The following SLC25A43 variants were observed in gnomAD, a reference collection of about 807,000 sequenced individuals.
SLC25A43 encodes the protein solute carrier family 25, member 43.
In SLC25A43, 10 loss-of-function variants were observed where a neutral mutation model predicts 22.8. The observed-to-expected ratio is 0.44, with a 90% CI of 0.27 to 0.74. SLC25A43 has a LOEUF of 0.74. Among genes scored for constraint, SLC25A43 ranks in the 30% least tolerant of loss-of-function variants. The probability of loss-of-function intolerance (pLI) is 0.17; values close to 1 mark genes in which losing one functional copy is unlikely to be tolerated. For synonymous variants in SLC25A43, 106 were observed against 121.6 expected, an observed-to-expected ratio of 0.87 and a Z score of 0.84; for missense variants, 233 against 279.1, an observed-to-expected ratio of 0.83 and a Z score of 1.18.
chrX:119,446,153 A>C (rs2052666134), intron 3 of SLC25A43, among the ~76,000 whole-genome samples: 1 of 13,908 alleles, frequency 7.2e-5, no homozygotes, highest in African/African-American at 8.7e-4. Flanking sequence ...CTCCATCTCA[A>C]AAAAAAAAAA....
At chrX:119,442,584 CT>C (rs772801578) in intron 3 of SLC25A43, among the ~76,000 whole-genome samples, 13 of 111,895 alleles carry the variant, frequency 1.2e-4, no homozygotes, top group Non-Finnish European at 1.7e-4. Flanking sequence ...GCTTACTATC[CT>C]TTTGGTAACA....
intron 3 of SLC25A43, among the ~76,000 whole-genome samples, chrX:119,431,196 G>A (rs1328675714): frequency 8.9e-6 from 1 of 112,202 alleles, no homozygotes; most frequent in Non-Finnish European, 1.9e-5. Context: ...TGAGGCTTTT[G>A]TGAGGATTAA....
chrX:119,449,276 C>T (rs1351229112), intron 3 of SLC25A43, among the ~76,000 whole-genome samples: 4 of 107,964 alleles, frequency 3.7e-5, no homozygotes, highest in African/African-American at 1.4e-4. Flanking sequence ...TAGGCAGGTG[C>T]GATGGCATGC....
intron 3 of SLC25A43, among the ~76,000 whole-genome samples, chrX:119,430,052 C>T (rs1172842680): frequency 8.9e-6 from 1 of 112,149 alleles, no homozygotes; most frequent in Non-Finnish European, 1.9e-5. Flanking sequence ...CCAGTGTGCT[C>T]ATCCTGGGAG....
At chrX:119,452,221 A>C (rs1235891072) in intron 4 of SLC25A43, 78 bp downstream of exon 4, 6 of 1,089,183 alleles carry the variant, frequency 5.5e-6, no homozygotes, top group Non-Finnish European at 7.3e-6. Context: ...CCCAACCCCT[A>C]CTACAGTTTG....
At position 119,399,436 on chromosome X, in the gene SLC25A43, A is replaced by G. The variant is rs1299477285; in HGVS notation, c.33A>G (p.Thr11=). The change falls in exon 1 of 5, where the codon ACA becomes ACG. Residue 11 remains threonine (T), a synonymous_variant. Transcript: ENST00000217909. ...CGTGGAGGCGGGACGGCCGACTGAC[A>G]GGCGGCCAAAGGCTGCTGTGCGCTG... MATWRRDGRL[T]GGQRLLCAGL... is the part of the protein sequence containing the mutation. The G allele has an allele frequency of 1.2e-5, 12 of 1,023,034 alleles. No individual in the cohort carries two copies. The highest frequency in any genetic ancestry group is 1.5e-5 in the Non-Finnish European group (12 of 805,637). The allele number at this position is 1,023,034 out of a possible 1,213,427, so 84.3% of individuals were successfully genotyped here.
chrX:119,445,114 T>TTCCAA (rs1366721863), intron 3 of SLC25A43, among the ~76,000 whole-genome samples: 1 of 103,516 alleles, frequency 9.7e-6, no homozygotes, highest in Non-Finnish European at 2.0e-5. Context: ...GAGACAAGGG[T>TTCCAA]TCCAATCCAG....
chrX:119,412,834 CT>C (rs200358764), intron 3 of SLC25A43, among the ~76,000 whole-genome samples: 6,221 of 107,222 alleles, frequency 0.058, 171 homozygotes, highest in South Asian at 0.11. Context: ...GCATGCTTAT[CT>C]TTTTTTTTTA....
chrX:119,404,133 G>T (rs913430746), intron 1 of SLC25A43, among the ~76,000 whole-genome samples: 16 of 110,328 alleles, frequency 1.5e-4, no homozygotes, highest in African/African-American at 4.6e-4. Flanking sequence ...GAGTAACTGG[G>T]ATTACAGGCG....
intron 3 of SLC25A43, among the ~76,000 whole-genome samples, chrX:119,447,174 T>A (rs16280): frequency 9.1e-6 from 1 of 110,121 alleles, no homozygotes; most frequent in African/African-American, 3.3e-5. Flanking sequence ...GGCTGGTCTC[T>A]AACTCCTGAC....
At chrX:119,404,676 CTGTT>C (rs2147251985) in intron 1 of SLC25A43, among the ~76,000 whole-genome samples, 1 of 111,959 alleles carries the variant, frequency 8.9e-6, no homozygotes, top group East Asian at 2.8e-4. Context: ...CAAGGCCTGT[CTGTT>C]CAGACTTTTC....
intron 3 of SLC25A43, among the ~76,000 whole-genome samples, chrX:119,419,578 A>G (rs2052435946): frequency 9.0e-6 from 1 of 111,125 alleles, no homozygotes; most frequent in Admixed American, 9.6e-5. Context: ...GTAGTTTTTC[A>G]TGTTCATATC....
In SLC25A43 at chrX:119,399,632, C is replaced by T. The variant is rs2052218618; in HGVS notation, c.229C>T (p.Leu77=). 2 of 1,018,574 alleles carry T rather than the reference C, an allele frequency of 2.0e-6. No individual in the cohort carries two copies. The highest frequency in any genetic ancestry group is 2.5e-6 in the Non-Finnish European group (2 of 803,203). 83.9% of individuals were successfully genotyped at this position (1,018,574 alleles called of 1,213,427 possible). ...ALWKGNAVAC[L]RLFPCSAVQL... is the part of the protein sequence containing the mutation. ...GTGGAAGGGGAACGCGGTGGCGTGC[C>T]TGCGCCTCTTCCCCTGCAGCGCCGT... The change falls in exon 1 of 5, where the codon CTG becomes TTG. Residue 77 remains leucine (L), a synonymous_variant. Transcript: ENST00000217909.
chrX:119,441,353 G>A (rs1422707278), intron 3 of SLC25A43, among the ~76,000 whole-genome samples: 43 of 87,885 alleles, frequency 4.9e-4, no homozygotes, highest in African/African-American at 1.8e-3. Context: ...ACACACACTG[G>A]CCTGCGCCCA....
At chrX:119,405,245 G>A (rs1363550192) in intron 1 of SLC25A43, among the ~76,000 whole-genome samples, 7 of 111,799 alleles carry the variant, frequency 6.3e-5, no homozygotes, top group African/African-American at 2.0e-4. Context: ...AAGGTAGGTT[G>A]ACAAAATGAA....
chrX:119,421,158 G>A (rs1432938358), intron 3 of SLC25A43, among the ~76,000 whole-genome samples: 2 of 101,070 alleles, frequency 2.0e-5, no homozygotes, highest in Non-Finnish European at 4.0e-5. Flanking sequence ...AATGCATTCC[G>A]AGCCATCATG....
intron 3 of SLC25A43, among the ~76,000 whole-genome samples, chrX:119,444,271 T>G (rs1468719923): frequency 8.9e-6 from 1 of 111,755 alleles, no homozygotes; most frequent in Non-Finnish European, 1.9e-5. Context: ...GAAGCTGCTT[T>G]TAAAGCCTGC....
intron 3 of SLC25A43, among the ~76,000 whole-genome samples, chrX:119,421,197 C>T (rs909661235): frequency 9.7e-6 from 1 of 103,590 alleles, no homozygotes; most frequent in African/African-American, 3.5e-5. Flanking sequence ...GAGAGCTAAA[C>T]TTCACTGTGC....
At chrX:119,437,173 G>C (rs1397922928) in intron 3 of SLC25A43, among the ~76,000 whole-genome samples, 3 of 28,402 alleles carry the variant, frequency 1.1e-4, no homozygotes, top group African/African-American at 1.6e-4. Flanking sequence ...TCCTTGAAGA[G>C]GTCCTTCACA....
Sources: allele counts gnomAD v4.1 joint callset (sites outside exome capture counted in the v4.1 genomes callset), GRCh38; gene constraint gnomAD v4.1.1; transcripts MANE v1.5; gene names NCBI Gene and HGNC (gene_info 2026-07-23, HGNC 2026-07-21).